The following PC variants were observed in gnomAD, a reference collection of about 807,000 sequenced individuals.
PC encodes pyruvate carboxylase, mitochondrial.
PC carries 46 observed loss-of-function variants against 107.8 expected under a neutral mutation model. That is an observed-to-expected ratio of 0.43 (90% CI 0.34 to 0.55). The LOEUF is 0.55. PC is among the 20% of genes least tolerant of loss of function. The pLI, the probability that PC is intolerant of heterozygous loss-of-function variation, is 0.04. For missense variants in PC, 1,241 were observed against 1,643.1 expected (o/e 0.76, Z 4.23); for synonymous variants, 662 against 684.7 (o/e 0.97, Z 0.52).
At chr11:66,921,580 G>A (rs1948597790) in intron 3 of PC, among the ~76,000 whole-genome samples, 1 of 152,134 alleles carries the variant, frequency 6.6e-6, no homozygotes, top group African/African-American at 2.4e-5. Context: ...GCTTTGTTCT[G>A]GTGCAGGGGA....
intron 3 of PC, among the ~76,000 whole-genome samples, chr11:66,873,463 TTA>T (rs1315565974): frequency 3.6e-5 from 3 of 83,360 alleles, no homozygotes; most frequent in South Asian, 2.6e-4. Flanking sequence ...AAAATATATA[TTA>T]TATATAATAT....
chr11:66,916,204 T>C (rs1948458891), intron 3 of PC, among the ~76,000 whole-genome samples: 1 of 152,196 alleles, frequency 6.6e-6, no homozygotes, highest in African/African-American at 2.4e-5. Context: ...GGCCCACAGC[T>C]GTAGACAGCA....
Position 66,849,803 on chromosome 11 carries a change from C to T in PC, c.2955G>A (p.Leu985=), listed in dbSNP as rs183733126. Reference sequence around the variant, plus strand: ...GCTCCTTCTCCAGTGCCTGCAGATCCAGGGGAGGGAGGGAGGCTCCAGGCC... The same window carrying T: ...GCTCCTTCTCCAGTGCCTGCAGATCTAGGGGAGGGAGGGAGGCTCCAGGCC... ...EGRPGASLPP[L]DLQALEKELV... The change falls in exon 21 of 23, where the codon CTG becomes CTA. Residue 985 remains leucine (L), a synonymous_variant. Transcript: ENST00000393960. The T allele has an allele frequency of 1.2e-6, 2 of 1,614,084 alleles. No individual in the cohort carries two copies. The highest frequency in any genetic ancestry group is 2.7e-5 in the African/African-American group (2 of 75,070).
intron 3 of PC, among the ~76,000 whole-genome samples, chr11:66,873,321 C>A (rs1410180201): frequency 7.5e-6 from 1 of 132,854 alleles, no homozygotes; most frequent in Non-Finnish European, 1.5e-5. Flanking sequence ...CTGGGTGACA[C>A]AGCAAGACTC....
Position 66,870,271 on chromosome 11 carries a change from C to T in PC, c.903+31G>A, listed in dbSNP as rs1712016465. 1 of 1,611,124 alleles carries T rather than the reference C, an allele frequency of 6.2e-7. No individual in the cohort carries two copies. On this transcript the variant is annotated intron_variant, in intron 9 of 22. Transcript: ENST00000393960. The surrounding 1 kb of genome is among the most constrained non-coding windows in gnomAD (Gnocchi z 6.1). ...GCCTGCCGGCCTGTGAGCACAGGCTCCTGTCCCAACACGGGAAGCCCACCC... is the reference window on the plus strand; with the variant it reads ...GCCTGCCGGCCTGTGAGCACAGGCTTCTGTCCCAACACGGGAAGCCCACCC...
At position 66,848,794 on chromosome 11, in the gene PC, G is replaced by T; in HGVS notation, c.*105C>A. ...GTCCAGCTGTGGACAGGACCTCCAC[G>T]GCCCGGCCTTCCTGGCCTCGGGCAC... On this transcript the variant is annotated 3_prime_UTR_variant, in exon 23 of 23. Transcript: ENST00000393960. 6.9e-7 allele frequency: 1 copy of T among 1,454,816 alleles called. No homozygotes were observed. Among genetic ancestry groups the T allele is most frequent in the Non-Finnish European group, 9.6e-7 (1 of 1,045,418 alleles). 90.1% of individuals were successfully genotyped at this position (1,454,816 alleles called of 1,614,324 possible).
chr11:66,936,274 G>C (rs1055190773), intron 3 of PC, among the ~76,000 whole-genome samples: 1 of 151,436 alleles, frequency 6.6e-6, no homozygotes, highest in African/African-American at 2.4e-5. Flanking sequence ...AGGTGGGGGG[G>C]GAGAGAAAAA....
At chr11:66,904,330 C>T (rs1189143501) in intron 3 of PC, among the ~76,000 whole-genome samples, 1 of 152,078 alleles carries the variant, frequency 6.6e-6, no homozygotes, top group Non-Finnish European at 1.5e-5. Context: ...AGCCAGGGTC[C>T]CTGCCCTCAA....
chr11:66,879,736 C>T (rs1204662485), intron 3 of PC, among the ~76,000 whole-genome samples: 1 of 152,162 alleles, frequency 6.6e-6, no homozygotes, highest in African/African-American at 2.4e-5. Flanking sequence ...CAGCCTGCTC[C>T]CTCGGCCCCC....
chr11:66,954,055 A>G (rs997691544), intron 2 of PC, among the ~76,000 whole-genome samples, 194 bp downstream of exon 2: 24 of 152,222 alleles, frequency 1.6e-4, no homozygotes, highest in African/African-American at 4.1e-4. Flanking sequence ...GCCCAGTCCA[A>G]CTGAATAGAT....
At chr11:66,912,449 C>A (rs1948359008) in intron 3 of PC, among the ~76,000 whole-genome samples, 1 of 152,208 alleles carries the variant, frequency 6.6e-6, no homozygotes, top group East Asian at 1.9e-4. Flanking sequence ...AACAAACAAG[C>A]TTCTTCACCT....
intron 3 of PC, among the ~76,000 whole-genome samples, chr11:66,887,860 C>T (rs1449728668): frequency 6.6e-6 from 1 of 152,260 alleles, no homozygotes; most frequent in Non-Finnish European, 1.5e-5. Flanking sequence ...ATCACTTTCA[C>T]AGGCCGAAAC....
At chr11:66,898,323 G>T (rs1947831690) in intron 3 of PC, among the ~76,000 whole-genome samples, 1 of 152,196 alleles carries the variant, frequency 6.6e-6, no homozygotes, top group Non-Finnish European at 1.5e-5. Context: ...CAGGGCCAGG[G>T]TTTTGTTTTT....
chr11:66,865,416 C>A (rs868737549), intron 11 of PC, among the ~76,000 whole-genome samples: 1 of 152,248 alleles, frequency 6.6e-6, no homozygotes, highest in Non-Finnish European at 1.5e-5. Flanking sequence ...ACAGCTGGCA[C>A]GGTGCTGGCA....
At chr11:66,878,340 G>A (rs1947058592) in intron 3 of PC, among the ~76,000 whole-genome samples, 1 of 152,166 alleles carries the variant, frequency 6.6e-6, no homozygotes, top group African/African-American at 2.4e-5. Flanking sequence ...GGTCATTTTT[G>A]TTGCTCTCCT....
chr11:66,924,084 C>A lies in PC; in HGVS notation c.-1+28346G>T, dbSNP rs1328732092. On this transcript the variant is annotated intron_variant, in intron 3 of 22. Coordinates refer to ENST00000393960, the MANE Select transcript of PC (RefSeq NM_001040716.2). ...AGGTGTGGTGGCACACACCTGTAATCCCAGCTACTTGGGAGGCTGAGACAC... is the reference window on the plus strand; with the variant it reads ...AGGTGTGGTGGCACACACCTGTAATACCAGCTACTTGGGAGGCTGAGACAC... Among the ~76,000 whole-genome samples the A allele has an allele frequency of 6.2e-4, 94 of 151,382 alleles. 1 individual carries two copies. The highest frequency in any genetic ancestry group is 4.4e-5 in the Non-Finnish European group (3 of 67,828).
Position 66,849,231 on chromosome 11 carries a change from T to G in PC, c.3287A>C (p.Lys1096Thr), listed in dbSNP as rs1407157529. 3.1e-6 allele frequency: 5 copies of G among 1,613,758 alleles called. No individual in the cohort carries two copies. Among genetic ancestry groups the G allele is most frequent in the Non-Finnish European group, 4.2e-6 (5 of 1,180,032 alleles). ...SILVKDTQAM[K>T]EMHFHPKALK... ...GGCTGGCCCTGGGGGAGACAATACC[T>G]TCATGGCCTGGGTGTCCTTGACCAA... The change falls in exon 22 of 23, where the codon AAG becomes ACG. Residue 1096 changes from lysine (K) to threonine (T), a missense_variant and splice_region_variant. Physicochemically the swap from Lys to Thr is moderately conservative, Grantham distance 78. Around this residue, in one of 2 missense-constraint regions of PC, gnomAD observed 1,143 missense variants for 1,551.9 expected, o/e 0.74. Transcript: ENST00000393960.
intron 3 of PC, among the ~76,000 whole-genome samples, chr11:66,950,853 ACATGCCCACCTCT>A (rs1949418011): frequency 6.6e-6 from 1 of 152,150 alleles, no homozygotes; most frequent in Admixed American, 6.6e-5. Context: ...ACCTTCCCCA[ACATGCCCACCTCT>A]CATTGTAGGG....
rs939861139 is a variant in PC at position 66,860,244 on chromosome 11, G to T, written c.1368+3530C>A. The T allele has an allele frequency of 5.1e-5, 78 of 1,537,818 alleles. No individual in the cohort carries two copies. The East Asian group carries it at 1.9e-3, about 37-fold the overall frequency. ...TCCAAGGGATGAGCCTCGTGGGGCA[G>T]AGGGCCCGGGGCCGCCGCCTGGCCT... On this transcript the variant is annotated intron_variant, in intron 12 of 22. Transcript: ENST00000393960.
Sources: allele counts gnomAD v4.1 joint callset (sites outside exome capture counted in the v4.1 genomes callset), GRCh38; gene constraint gnomAD v4.1.1; regional missense constraint gnomAD v4.1.1; non-coding constraint Gnocchi (gnomAD v3.1); transcripts MANE v1.5; gene names NCBI Gene and HGNC (gene_info 2026-07-23, HGNC 2026-07-21).